SLC44A2: variants seen among roughly 807,000 people sequenced by gnomAD.
SLC44A2 encodes choline transporter-like protein 2.
In SLC44A2, 57 loss-of-function variants were observed where a neutral mutation model predicts 90.8. That is an observed-to-expected ratio of 0.63 (90% CI 0.51 to 0.78). The LOEUF (loss-of-function observed/expected upper bound fraction) is 0.78. Ranked by LOEUF, SLC44A2 falls within the 30% of genes least tolerant of loss-of-function variation. SLC44A2 has a pLI of 0.00. For synonymous variants in SLC44A2, 355 were observed against 360.7 expected, an observed-to-expected ratio of 0.98 and a Z score of 0.18; for missense variants, 794 against 919.7, an observed-to-expected ratio of 0.86 and a Z score of 1.77.
In SLC44A2 at chr19:10,626,228, C is replaced by T. The variant is rs1210261154; in HGVS notation, c.38-25C>T. 1.9e-6 allele frequency: 3 copies of T among 1,603,622 alleles called. No homozygotes were observed. In the East Asian group the frequency reaches 6.7e-5, roughly 36 times the overall value. ...TCTTGGTTCAGGTCTCCAATCCCATCCATCTTAATCTTCTTGACTTTCAGG... is the reference window on the plus strand; with the variant it reads ...TCTTGGTTCAGGTCTCCAATCCCATTCATCTTAATCTTCTTGACTTTCAGG... On this transcript the variant is annotated intron_variant, in intron 1 of 21. Transcript: ENST00000335757.
chr19:10,642,946 G>T (rs748476895), intron 21 of SLC44A2: 1 of 1,594,558 alleles, frequency 6.3e-7, no homozygotes, highest in Non-Finnish European at 8.5e-7. Flanking sequence ...CCTACTTCAT[G>T]TCGCCCGAGC....
chr19:10,616,397 A>ATTTTTG (rs1336738311), intron 1 of SLC44A2, among the ~76,000 whole-genome samples: 1 of 151,026 alleles, frequency 6.6e-6, no homozygotes, highest in Non-Finnish European at 1.5e-5. Context: ...CGCCCAGTTA[A>ATTTTTG]TTTTTGTTTT....
chr19:10,641,378 A>G (rs1273580325), intron 20 of SLC44A2: 2 of 446,018 alleles, frequency 4.5e-6, no homozygotes, highest in Non-Finnish European at 8.9e-6. Flanking sequence ...TGAGCAACAC[A>G]GTGAGACCCT....
At chr19:10,604,801 G>A (rs544134325) in intron 1 of SLC44A2, among the ~76,000 whole-genome samples, 14 of 152,264 alleles carry the variant, frequency 9.2e-5, no homozygotes, top group South Asian at 2.1e-4. Flanking sequence ...TGGCTTTCCC[G>A]TGAGCTGATA....
chr19:10,606,911 AT>A (rs1012814720), intron 1 of SLC44A2, among the ~76,000 whole-genome samples: 3,216 of 133,196 alleles, frequency 0.024, 54 homozygotes, highest in African/African-American at 0.073. Flanking sequence ...ACTTACGGCT[AT>A]TTTTTTTTTT....
At chr19:10,637,566 G>A in intron 16 of SLC44A2, 78 bp from the exon 17 acceptor site, 2 of 1,286,964 alleles carry the variant, frequency 1.6e-6, no homozygotes, top group South Asian at 1.2e-5. Flanking sequence ...TGGCAAGTGT[G>A]TGTGATAGGG....
chr19:10,602,474 G>T (rs1420670907), upstream of SLC44A2: 1 of 1,161,514 alleles, frequency 8.6e-7, no homozygotes, highest in South Asian at 4.0e-5. Context: ...GGAGCCTCCC[G>T]CCCGCCCGGG....
rs536215475 is a variant in SLC44A2, at chr19:10,642,668, A to AC, written c.2014+218dup. 1.7e-4 allele frequency among the ~76,000 whole-genome samples: 26 copies of AC among 152,210 alleles called. No individual in the cohort carries two copies. In the South Asian group the frequency reaches 5.4e-3, roughly 32 times the overall value. On this transcript the variant is annotated intron_variant, in intron 21 of 21. Coordinates refer to ENST00000335757, the MANE Select transcript of SLC44A2 (RefSeq NM_020428.4). ...TCCACTGGCCCAGGCTGCAGCCTGG[A>AC]CGCTGCCCTGGAGCCCGCCCGCGCT...
At chr19:10,613,809 G>A (rs888324330) in intron 1 of SLC44A2, among the ~76,000 whole-genome samples, 5 of 151,976 alleles carry the variant, frequency 3.3e-5, no homozygotes, top group Non-Finnish European at 5.9e-5. Flanking sequence ...GAATGTGGGC[G>A]GCCTCTAGAA....
chr19:10,636,209 C>G, intron 14 of SLC44A2, 114 bp from the exon 15 acceptor site: 4 of 1,250,102 alleles, frequency 3.2e-6, no homozygotes, highest in Non-Finnish European at 4.4e-6. Context: ...TAACTTCAAT[C>G]CCTATGTCTC....
At chr19:10,622,719 T>TG (rs1404234346), upstream of SLC44A2, among the ~76,000 whole-genome samples, 1 of 151,734 alleles carries the variant, frequency 6.6e-6, no homozygotes, top group Non-Finnish European at 1.5e-5. Flanking sequence ...TGGGCAACAT[T>TG]GCGAGACCCT....
rs532335745 is a variant in SLC44A2, at chr19:10,632,258, C to T, written c.823+102C>T. The T allele has an allele frequency of 6.0e-5, 65 of 1,076,658 alleles. No homozygotes were observed. In the East Asian group the frequency reaches 1.2e-3, roughly 20 times the overall value. 66.7% of individuals were successfully genotyped at this position (1,076,658 alleles called of 1,614,324 possible). A position where few individuals can be genotyped will look rare whatever the true frequency, so the allele number is the denominator to read the frequency against. On this transcript the variant is annotated intron_variant, in intron 10 of 21. Transcript: ENST00000335757. The stretch of plus-strand genomic sequence containing the variant: ...TCAGGAAAACAAAAAAAAGTCAGGC[C>T]GGGCGTGGTGGCTCACGCCTGTAAT...
intron 4 of SLC44A2, 40 bp downstream of exon 4, chr19:10,628,044 G>C: frequency 6.5e-7 from 1 of 1,542,596 alleles, no homozygotes; most frequent in Non-Finnish European, 8.9e-7. Flanking sequence ...CTGGGGAAGA[G>C]GGGGCAGAAG....
Position 10,631,611 on chromosome 19 carries a change from C to T in SLC44A2, c.503-15C>T, listed in dbSNP as rs1560711. 0.78 allele frequency: 1,262,182 copies of T among 1,613,388 alleles called. 494,889 individuals carry two copies. The highest frequency in any genetic ancestry group is 0.86 in the Admixed American group (51,603 of 59,954). Reference sequence around the variant, plus strand: ...GAGGCTCAGCCTGACTGGTGCCATCCTCTGCTCCATGCAGTGGCCCGGAGA... The same window carrying T: ...GAGGCTCAGCCTGACTGGTGCCATCTTCTGCTCCATGCAGTGGCCCGGAGA... On this transcript the variant is annotated splice_polypyrimidine_tract_variant and intron_variant, in intron 7 of 21. Transcript: ENST00000335757.
intron 1 of SLC44A2, among the ~76,000 whole-genome samples, chr19:10,616,034 T>C (rs973028545): frequency 6.6e-6 from 1 of 151,236 alleles, no homozygotes; most frequent in Admixed American, 6.6e-5. Flanking sequence ...TGGTGACATG[T>C]GCCAGCTGAG....
At position 10,612,373 on chromosome 19, in the gene SLC44A2, A is replaced by G. The variant is rs146078835; in HGVS notation, c.31+9812A>G. On this transcript the variant is annotated intron_variant, in intron 1 of 21. Coordinates refer to the SLC44A2 transcript ENST00000407327. ...GGCAAAAAAGGAGACCCTGTCTCAAAAAATAAAAAATAAAAAAAGGTTAAA... is the reference window on the plus strand; with the variant it reads ...GGCAAAAAAGGAGACCCTGTCTCAAGAAATAAAAAATAAAAAAAGGTTAAA... 7.9e-4 allele frequency among the ~76,000 whole-genome samples: 120 copies of G among 152,222 alleles called. 3 individuals are homozygous for G. The highest frequency in any genetic ancestry group is 2.9e-3 in the African/African-American group (119 of 41,526).
intron 20 of SLC44A2, chr19:10,640,929 A>T (rs2067108411): frequency 9.3e-6 from 2 of 215,648 alleles, no homozygotes; most frequent in Non-Finnish European, 1.9e-5. Context: ...TACTAAAAAT[A>T]CAAAAAAATT....
Position 10,631,992 on chromosome 19 carries a change from T to C in SLC44A2, c.710+41T>C, listed in dbSNP as rs529799708. On this transcript the variant is annotated intron_variant, in intron 9 of 21. Transcript: ENST00000335757. ...AGGGGCCTCTCCCCTGGCTGCCCCC[T>C]CTAAGCCTGGCTGAGGGTGGAGTCT... is the stretch of plus-strand genomic sequence containing the variant. 6.8e-6 allele frequency: 11 copies of C among 1,613,356 alleles called. No homozygotes were observed. The East Asian group carries it at 2.0e-4, about 29-fold the overall frequency.
Position 10,631,939 on chromosome 19 carries a change from A to G in SLC44A2, c.698A>G (p.Tyr233Cys), listed in dbSNP as rs2067000664. Residue 233 changes from tyrosine (Y) to cysteine (C), a missense_variant, in exon 9 of 22, where the codon TAC becomes TGC. This residue lies in a region of SLC44A2 where 738 missense variants were observed against 841.1 expected (regional missense o/e 0.88). Coordinates refer to ENST00000335757, the MANE Select transcript of SLC44A2 (RefSeq NM_020428.4). Reference sequence around the variant, plus strand: ...TTTGAAGATTACACCGTCTCTTGGTACTGGATTATCATGTAAGTCAGGAGG... The same window carrying G: ...TTTGAAGATTACACCGTCTCTTGGTGCTGGATTATCATGTAAGTCAGGAGG... Reference protein sequence around the residue: ...RIFEDYTVSWYWIIIGLVIAM... With the variant: ...RIFEDYTVSWCWIIIGLVIAM... 1 of 1,614,178 alleles carries G rather than the reference A, an allele frequency of 6.2e-7. No individual in the cohort carries two copies. Among genetic ancestry groups the G allele is most frequent in the Non-Finnish European group, 8.5e-7 (1 of 1,180,024 alleles).
Sources: allele counts gnomAD v4.1 joint callset (sites outside exome capture counted in the v4.1 genomes callset), GRCh38; gene constraint gnomAD v4.1.1; regional missense constraint gnomAD v4.1.1; transcripts MANE v1.5; gene names NCBI Gene and HGNC (gene_info 2026-07-23, HGNC 2026-07-21).